The following AEBP2 variants were observed in gnomAD, a reference collection of about 807,000 sequenced individuals.
The protein encoded by AEBP2 is zinc finger protein AEBP2.
Under a neutral mutation model 50.8 loss-of-function variants are expected in AEBP2, and 10 were observed. That is an observed-to-expected ratio of 0.20 (90% CI 0.12 to 0.33). The LOEUF is 0.33. Ranked by LOEUF, AEBP2 falls within the 10% of genes least tolerant of loss-of-function variation. The pLI, the probability that AEBP2 is intolerant of heterozygous loss-of-function variation, is 1.00. For synonymous variants in AEBP2, 296 were observed against 261.3 expected, an observed-to-expected ratio of 1.13 and a Z score of -1.28; for missense variants, 570 against 688.0, an observed-to-expected ratio of 0.83 and a Z score of 1.92.
Position 19,457,005 on chromosome 12 carries a change from C to G in AEBP2, c.672-5505C>G. 11 of 1,586,990 alleles carry G rather than the reference C, an allele frequency of 6.9e-6. No homozygotes were observed. The Admixed American group carries it at 1.8e-4, about 27-fold the overall frequency. ...TACAGGAGGATTTTCGTCCCTTGAA[C>G]CAAGGCATGTTAAAACTTGGCTCCA... On this transcript the variant is annotated intron_variant, in intron 1 of 7. Coordinates refer to ENST00000266508, the MANE Select transcript of AEBP2 (RefSeq NM_153207.5).
rs912307556 is a variant in AEBP2 at position 19,466,483 on chromosome 12, A to G, written c.879+3766A>G. On this transcript the variant is annotated intron_variant, in intron 2 of 7. Transcript: ENST00000266508. ...AGAACAAAAAACATTTTTAATGTAT[A>G]GTTCAGGGGCTTTAAGTACATTCAC... Among the ~76,000 whole-genome samples, 16 of 152,174 alleles carry G rather than the reference A, an allele frequency of 1.1e-4. 1 individual carries two copies. The highest frequency in any genetic ancestry group is 9.2e-4 in the Admixed American group (14 of 15,274).
chr12:19,406,429 C>T (rs567927830), intron 1 of AEBP2, among the ~76,000 whole-genome samples: 5 of 152,034 alleles, frequency 3.3e-5, no homozygotes, highest in Non-Finnish European at 5.9e-5. Flanking sequence ...TAAATAGACG[C>T]ACACTTTGGG....
chr12:19,459,763 A>G (rs1025852685), intron 1 of AEBP2, among the ~76,000 whole-genome samples: 6 of 152,098 alleles, frequency 3.9e-5, no homozygotes, highest in African/African-American at 7.3e-5. Context: ...TATTGCATTT[A>G]ACTAACTAGG....
intron 1 of AEBP2, among the ~76,000 whole-genome samples, chr12:19,405,696 G>A (rs141096617): frequency 9.8e-5 from 15 of 152,296 alleles, no homozygotes; most frequent in South Asian, 2.1e-4. Context: ...AGAGGTGGGA[G>A]GACTGGCAGG....
At chr12:19,424,339 G>A (rs1045418550) in intron 1 of AEBP2, among the ~76,000 whole-genome samples, 11 of 152,166 alleles carry the variant, frequency 7.2e-5, no homozygotes, top group African/African-American at 2.6e-4. Flanking sequence ...TAGAGGACAT[G>A]AAAGATGATG....
chr12:19,497,879 A>G (rs965177652), intron 4 of AEBP2, among the ~76,000 whole-genome samples: 4 of 152,258 alleles, frequency 2.6e-5, no homozygotes, highest in Admixed American at 6.5e-5. Flanking sequence ...ACTACTGCAC[A>G]TTATACAAAA....
intron 1 of AEBP2, among the ~76,000 whole-genome samples, chr12:19,447,068 A>AT (rs1491358549): frequency 6.6e-6 from 1 of 152,246 alleles, no homozygotes; most frequent in African/African-American, 2.4e-5. Context: ...AACTGAAAAC[A>AT]TGTAGGCAGG....
chr12:19,479,908 G>A (rs941208244), intron 3 of AEBP2, among the ~76,000 whole-genome samples: 1 of 151,456 alleles, frequency 6.6e-6, no homozygotes, highest in South Asian at 2.1e-4. Context: ...GCAGATACTT[G>A]GTTGGTGGAA....
intron 1 of AEBP2, among the ~76,000 whole-genome samples, chr12:19,425,923 T>G (rs1160485106): frequency 6.6e-6 from 1 of 152,060 alleles, no homozygotes; most frequent in Non-Finnish European, 1.5e-5. Context: ...ATTCCCAAGC[T>G]GTCCTATGGT....
intron 5 of AEBP2, among the ~76,000 whole-genome samples, chr12:19,510,683 C>G (rs997670090): frequency 3.3e-5 from 5 of 152,090 alleles, no homozygotes; most frequent in Non-Finnish European, 7.4e-5. Flanking sequence ...GGTCACATTT[C>G]TTGAATAAAA....
intron 1 of AEBP2, among the ~76,000 whole-genome samples, chr12:19,459,568 T>C (rs972947062): frequency 6.6e-6 from 1 of 152,190 alleles, no homozygotes; most frequent in Non-Finnish European, 1.5e-5. Context: ...AAATAAAATA[T>C]GTATTTCGGT....
At chr12:19,459,654 A>AT (rs1948337398) in intron 1 of AEBP2, among the ~76,000 whole-genome samples, 1 of 152,222 alleles carries the variant, frequency 6.6e-6, no homozygotes, top group African/African-American at 2.4e-5. Context: ...TCAAGAGCTG[A>AT]TTCACATTTG....
rs59985217 is a variant in AEBP2 at position 19,514,995 on chromosome 12, T to C, written c.1481+211T>C. ...CAGTATTTTGCTAATAAAGTTTATA[T>C]GCTTGTTTAATCCCAGATTTATCTT... On this transcript the variant is annotated intron_variant, in intron 7 of 7. Transcript: ENST00000266508. Among the ~76,000 whole-genome samples the C allele has an allele frequency of 7.2e-3, 1,103 of 152,262 alleles. 14 individuals carry two copies. Among genetic ancestry groups the C allele is most frequent in the African/African-American group, 0.025 (1,040 of 41,554 alleles).
At position 19,419,567 on chromosome 12, in the gene AEBP2, C is replaced by T. The variant is rs574290514; in HGVS notation, c.-17+15351C>T. Among the ~76,000 whole-genome samples the T allele has an allele frequency of 1.1e-3, 167 of 150,308 alleles. 1 individual carries two copies. The highest frequency in any genetic ancestry group is 3.9e-3 in the African/African-American group (161 of 40,842). On this transcript the variant is annotated intron_variant, in intron 1 of 3. Transcript: ENST00000538425. Reference sequence around the variant, plus strand: ...TCGCGCCACTGCACTCCAGCCTGGGCGACAGAGAGAGACTCCGTCTCAAAA... The same window carrying T: ...TCGCGCCACTGCACTCCAGCCTGGGTGACAGAGAGAGACTCCGTCTCAAAA...
chr12:19,462,422 A>T (rs201768787), intron 1 of AEBP2, 88 bp from the exon 2 acceptor site: 94 of 1,098,758 alleles, frequency 8.6e-5, no homozygotes, highest in Admixed American at 6.7e-5. Flanking sequence ...GCAGAATGTC[A>T]AGTGGTAATC....
chr12:19,479,206 G>C (rs1333502767), intron 3 of AEBP2, among the ~76,000 whole-genome samples: 2 of 152,142 alleles, frequency 1.3e-5, no homozygotes, highest in African/African-American at 4.8e-5. Flanking sequence ...TCAAAAAAAA[G>C]TATATTCTGC....
chr12:19,456,180 A>T lies in AEBP2; in HGVS notation c.672-6330A>T, dbSNP rs1190502120. The T allele has an allele frequency of 4.9e-5, 57 of 1,154,334 alleles. No individual in the cohort carries two copies. In the Admixed American group the frequency reaches 1.2e-3, roughly 24 times the overall value. The allele number at this position is 1,154,334 out of a possible 1,614,324, so 71.5% of individuals were successfully genotyped here. On this transcript the variant is annotated intron_variant, in intron 1 of 7. Coordinates refer to ENST00000266508, the MANE Select transcript of AEBP2 (RefSeq NM_153207.5). ...TAAACTTAAATGGCCAATTGAAACA[A>T]ACAGTTCTGAGACCATTCTTCCACC...
chr12:19,465,002 G>C (rs1948446092), intron 2 of AEBP2, among the ~76,000 whole-genome samples: 2 of 152,082 alleles, frequency 1.3e-5, no homozygotes, highest in Non-Finnish European at 2.9e-5. Context: ...TCCCGTAAGT[G>C]TAATATTGAA....
chr12:19,431,288 A>T (rs1404582171), intron 1 of AEBP2, among the ~76,000 whole-genome samples: 1 of 152,216 alleles, frequency 6.6e-6, no homozygotes, highest in Admixed American at 6.5e-5. Context: ...TATTAAGTTT[A>T]GGTTTTTCTA....
Sources: allele counts gnomAD v4.1 joint callset (sites outside exome capture counted in the v4.1 genomes callset), GRCh38; gene constraint gnomAD v4.1.1; transcripts MANE v1.5; gene names NCBI Gene and HGNC (gene_info 2026-07-23, HGNC 2026-07-21).